The following PID1 variants were observed in gnomAD, a reference collection of about 807,000 sequenced individuals.
The protein encoded by PID1 is phosphotyrosine interaction domain containing 1.
Under a neutral mutation model 19.1 loss-of-function variants are expected in PID1, and 10 were observed. The observed-to-expected ratio is 0.52, with a 90% CI of 0.32 to 0.89. The LOEUF (loss-of-function observed/expected upper bound fraction) is 0.89, where lower values mean the gene tolerates loss of function less well. Among genes scored for constraint, PID1 ranks in the 40% least tolerant of loss-of-function variants. The pLI is 0.03. For missense variants in PID1, 248 were observed against 285.3 expected, an observed-to-expected ratio of 0.87 and a Z score of 0.94; for synonymous variants, 130 against 116.0, an observed-to-expected ratio of 1.12 and a Z score of -0.78.
intron 1 of PID1, among the ~76,000 whole-genome samples, chr2:229,208,095 C>T (rs1691647515): frequency 6.6e-6 from 1 of 152,136 alleles, no homozygotes; most frequent in African/African-American, 2.4e-5. Context: ...TTTGCTTTTC[C>T]CAGGCCTCTG....
At chr2:229,218,513 G>C (rs1226540897) in intron 1 of PID1, among the ~76,000 whole-genome samples, 1 of 152,146 alleles carries the variant, frequency 6.6e-6, no homozygotes, top group Non-Finnish European at 1.5e-5. Flanking sequence ...GCACAAGGCA[G>C]GATAGAGGCC....
At chr2:229,083,591 C>T (rs558167122) in intron 2 of PID1, among the ~76,000 whole-genome samples, 2 of 152,272 alleles carry the variant, frequency 1.3e-5, no homozygotes, top group South Asian at 2.1e-4. Context: ...TGATTCAGAA[C>T]CACCTCTTCA....
chr2:229,027,365 G>C (rs539278850), intron 2 of PID1, among the ~76,000 whole-genome samples: 30 of 152,336 alleles, frequency 2.0e-4, no homozygotes, highest in African/African-American at 6.3e-4. Flanking sequence ...GGATTGCTAT[G>C]AAACTGGGGA....
chr2:229,213,264 C>T (rs1043138677), intron 1 of PID1, among the ~76,000 whole-genome samples: 17 of 152,092 alleles, frequency 1.1e-4, no homozygotes, highest in Non-Finnish European at 2.2e-4. Context: ...TAGGGCCCAG[C>T]ACACAGAGGA....
intron 2 of PID1, among the ~76,000 whole-genome samples, chr2:229,123,081 C>A (rs1437625626): frequency 6.6e-6 from 1 of 151,988 alleles, no homozygotes; most frequent in Non-Finnish European, 1.5e-5. Context: ...TTTTAGTTTA[C>A]TTCCAGAGTT....
chr2:229,239,781 G>T (rs1182288999), intron 1 of PID1, among the ~76,000 whole-genome samples: 1 of 151,942 alleles, frequency 6.6e-6, no homozygotes, highest in South Asian at 2.1e-4. Context: ...TGTAATTCTG[G>T]ACTACTTTTA....
intron 2 of PID1, among the ~76,000 whole-genome samples, chr2:229,130,714 G>A (rs746679914): frequency 7.9e-5 from 12 of 152,144 alleles, no homozygotes; most frequent in African/African-American, 2.2e-4. Flanking sequence ...CACCTAGCTC[G>A]GCTCTGATAC....
intron 1 of PID1, among the ~76,000 whole-genome samples, chr2:229,261,681 G>A (rs1403349039): frequency 6.6e-6 from 1 of 152,216 alleles, no homozygotes; most frequent in African/African-American, 2.4e-5. Flanking sequence ...CATGGACACA[G>A]GGGATATTCC....
chr2:229,143,113 G>A (rs1374768745), intron 2 of PID1, among the ~76,000 whole-genome samples: 8 of 147,278 alleles, frequency 5.4e-5, no homozygotes, highest in South Asian at 4.6e-4. Context: ...ACCAAACACC[G>A]CATATTCTCA....
intron 2 of PID1, among the ~76,000 whole-genome samples, chr2:229,037,026 A>G (rs969203125): frequency 1.3e-5 from 2 of 152,114 alleles, no homozygotes; most frequent in Non-Finnish European, 2.9e-5. Context: ...CTTACTCTTA[A>G]TTTTTTTAAT....
chr2:229,205,521 G>T (rs533152641), intron 1 of PID1, among the ~76,000 whole-genome samples: 1 of 151,972 alleles, frequency 6.6e-6, no homozygotes, highest in African/African-American at 2.4e-5. Flanking sequence ...CTCAGCGGGA[G>T]ATTTAATTAA....
At chr2:229,051,709 G>C (rs190760335) in intron 2 of PID1, among the ~76,000 whole-genome samples, 1 of 152,176 alleles carries the variant, frequency 6.6e-6, no homozygotes, top group African/African-American at 2.4e-5. Flanking sequence ...TGTGTTGCAG[G>C]GAACAAACTT....
At chr2:229,265,268 T>A (rs1690565801) in intron 1 of PID1, among the ~76,000 whole-genome samples, 1 of 152,222 alleles carries the variant, frequency 6.6e-6, no homozygotes, top group Admixed American at 6.5e-5. Flanking sequence ...TCCTGGGCCA[T>A]CAGGCATGGG....
At chr2:229,059,241 T>C (rs2106191343) in intron 2 of PID1, among the ~76,000 whole-genome samples, 1 of 152,304 alleles carries the variant, frequency 6.6e-6, no homozygotes, top group African/African-American at 2.4e-5. Context: ...TATACATTTT[T>C]AAAGTAAAAG....
At chr2:229,109,305 G>T (rs943374245) in intron 2 of PID1, among the ~76,000 whole-genome samples, 3 of 152,054 alleles carry the variant, frequency 2.0e-5, no homozygotes, top group Admixed American at 6.6e-5. Flanking sequence ...AGAAACCCCC[G>T]AGTTCTAATA....
intron 2 of PID1, among the ~76,000 whole-genome samples, chr2:229,096,227 T>C (rs533793125): frequency 4.1e-4 from 62 of 152,142 alleles, no homozygotes; most frequent in Non-Finnish European, 7.2e-4. Flanking sequence ...CTCTTTCACT[T>C]TGGAAAAAAA....
chr2:229,238,131 C>G (rs1371162748), intron 1 of PID1, among the ~76,000 whole-genome samples: 4 of 151,996 alleles, frequency 2.6e-5, no homozygotes, highest in African/African-American at 7.3e-5. Context: ...ATTATATTTC[C>G]TTGGTGGTCA....
chr2:229,089,345 C>T (rs892448974), intron 2 of PID1, among the ~76,000 whole-genome samples: 5 of 152,162 alleles, frequency 3.3e-5, no homozygotes, highest in Admixed American at 2.0e-4. Context: ...TTCCTCAGAG[C>T]TGCATTTACC....
chr2:229,239,559 G>T (rs1164181288), intron 1 of PID1, among the ~76,000 whole-genome samples: 1 of 151,994 alleles, frequency 6.6e-6, no homozygotes, highest in Non-Finnish European at 1.5e-5. Flanking sequence ...AGACATCTAG[G>T]GGGTTATGAC....
Sources: allele counts gnomAD v4.1 joint callset (sites outside exome capture counted in the v4.1 genomes callset), GRCh38; gene constraint gnomAD v4.1.1; transcripts MANE v1.5; gene names NCBI Gene and HGNC (gene_info 2026-07-23, HGNC 2026-07-21).